Variants in POLA1 observed in about 807,000 individuals in gnomAD.
The protein encoded by POLA1 is DNA polymerase alpha 1, catalytic subunit.
Under a neutral mutation model 124.0 loss-of-function variants are expected in POLA1, and 15 were observed. The observed-to-expected ratio is 0.12, with a 90% confidence interval of 0.08 to 0.19. The LOEUF (loss-of-function observed/expected upper bound fraction) is 0.19, where lower values mean the gene tolerates loss of function less well. Ranked by LOEUF, POLA1 falls within the 10% of genes least tolerant of loss-of-function variation. The pLI is 1.00. For missense variants in POLA1, 886 were observed against 1,103.4 expected, an observed-to-expected ratio of 0.80 and a Z score of 2.79; for synonymous variants, 408 against 389.4, an observed-to-expected ratio of 1.05 and a Z score of -0.56.
intron 26 of POLA1, among the ~76,000 whole-genome samples, chrX:24,790,911 G>GTATATGTATATATATA (rs1555991306): frequency 5.1e-5 from 4 of 78,298 alleles, no homozygotes; most frequent in Admixed American, 2.8e-4. Context: ...TTATGTATAT[G>GTATATGTATATATATA]TATATATATA....
intron 22 of POLA1, 92 bp downstream of exon 22, chrX:24,742,213 G>A: frequency 1.2e-6 from 1 of 811,596 alleles, no homozygotes; most frequent in South Asian, 2.5e-5. Context: ...GATAACATCT[G>A]CTTTCAAAAT....
At position 24,699,974 on chromosome X, in the gene POLA1, A is replaced by G. The variant is rs1020759968; in HGVS notation, c.168+425A>G. On this transcript the variant is annotated intron_variant, in intron 2 of 36. Transcript: ENST00000379068. The stretch of plus-strand genomic sequence containing the variant: ...ATTTGCAAGGGTAGTGGCAGTGGAG[A>G]CTTGGACCTTAACTTCTGCCGTGTT... 8.9e-5 allele frequency among the ~76,000 whole-genome samples: 9 copies of G among 100,847 alleles called. No individual in the cohort carries two copies. In the Admixed American group the frequency reaches 9.9e-4, roughly 11 times the overall value. 87.6% of individuals were successfully genotyped at this position (100,847 alleles called of 115,157 possible).
intron 18 of POLA1, 28 bp from the exon 19 acceptor site, chrX:24,737,597 T>A: frequency 1.4e-6 from 1 of 724,723 alleles, no homozygotes; most frequent in Non-Finnish European, 2.2e-6. Context: ...TGTTATAACA[T>A]TATCAGCTGC....
intron 35 of POLA1, 86 bp downstream of exon 35, chrX:24,888,208 A>G (rs758839929): frequency 2.3e-4 from 126 of 558,757 alleles, no homozygotes; most frequent in Non-Finnish European, 3.5e-4. Context: ...TATTTGCCCT[A>G]TGAAGATGCC....
intron 3 of POLA1, 86 bp downstream of exon 3, chrX:24,703,433 A>C (rs751197468): frequency 1.5e-6 from 1 of 651,081 alleles, no homozygotes; most frequent in South Asian, 2.8e-5. Flanking sequence ...CATGTGGTGG[A>C]GTTGCTGCTT....
At chrX:24,970,483 G>A (rs1279657972) in intron 36 of POLA1, among the ~76,000 whole-genome samples, 3 of 111,719 alleles carry the variant, frequency 2.7e-5, no homozygotes, top group East Asian at 5.6e-4. Flanking sequence ...AAGAGCTTCT[G>A]CACAGCAAAA....
In POLA1 at chrX:24,739,519, A is replaced by G. The variant is rs779372671; in HGVS notation, c.2185A>G (p.Ile729Val). Residue 729 changes from isoleucine (I) to valine (V), a missense_variant, in exon 20 of 37, where the codon ATC (isoleucine) becomes GTC (valine). Physicochemically the swap from Ile to Val is conservative, Grantham distance 29 (BLOSUM62 3). Around this residue, in one of 7 missense-constraint regions of POLA1, gnomAD observed 182 missense variants for 252.8 expected, o/e 0.72. Coordinates refer to ENST00000379068, the MANE Select transcript of POLA1 (RefSeq NM_001330360.2). ...GATTCTAAAAACTGAAAGGGTTGTA[A>G]TCCCAATGGAAAATATACAAAATAT... The part of the protein sequence containing the change: ...QQILKTERVV[I>V]PMENIQNMYS... 8.4e-6 allele frequency: 10 copies of G among 1,184,426 alleles called. No homozygotes were observed. Among genetic ancestry groups the G allele is most frequent in the Non-Finnish European group, 8.0e-6 (7 of 872,976 alleles).
At chrX:24,805,374 G>A (rs1037010671) in intron 26 of POLA1, among the ~76,000 whole-genome samples, 5 of 111,942 alleles carry the variant, frequency 4.5e-5, no homozygotes, top group African/African-American at 1.6e-4. Context: ...CATTGCAAGA[G>A]AGCCTTGTGT....
intron 26 of POLA1, among the ~76,000 whole-genome samples, chrX:24,750,618 A>G (rs1932274159): frequency 8.9e-6 from 1 of 112,360 alleles, no homozygotes; most frequent in Admixed American, 9.4e-5. Flanking sequence ...GATGTGATAG[A>G]AGCTTTCCTA....
Position 24,826,561 on chromosome X carries a change from A to T in POLA1, c.3696A>T (p.Pro1232=). Residue 1232 remains proline (P), a synonymous_variant, in exon 32 of 37, where the codon CCA becomes CCT. Coordinates refer to ENST00000379068, the MANE Select transcript of POLA1 (RefSeq NM_001330360.2). ...CAGTCGTGGCTCGGATCTGTGAACC[A>T]ATAGACGGAATTGATGCTGTCCTCA... ...IHPVVARICE[P]IDGIDAVLIA... is the part of the protein sequence containing the mutation. The T allele has an allele frequency of 1.7e-6, 2 of 1,206,519 alleles. No homozygotes were observed. Among genetic ancestry groups the T allele is most frequent in the Non-Finnish European group, 2.2e-6 (2 of 892,519 alleles).
chrX:24,723,546 CATA>C (rs899640260), intron 11 of POLA1, among the ~76,000 whole-genome samples: 1 of 112,596 alleles, frequency 8.9e-6, no homozygotes, highest in African/African-American at 3.2e-5. Flanking sequence ...TCCTCATTTC[CATA>C]ATAATCAGGG....
intron 36 of POLA1, among the ~76,000 whole-genome samples, chrX:24,957,132 G>A (rs1470666510): frequency 9.0e-6 from 1 of 111,567 alleles, no homozygotes; most frequent in Non-Finnish European, 1.9e-5. Flanking sequence ...AGTGTGTTAT[G>A]GCCACCTAGT....
chrX:24,880,313 TA>T (rs2046986661), intron 34 of POLA1, among the ~76,000 whole-genome samples: 1 of 112,297 alleles, frequency 8.9e-6, no homozygotes, highest in African/African-American at 3.2e-5. Context: ...ATGTCTTACT[TA>T]AAAAATCAAT....
chrX:24,794,819 A>G (rs2045576453), intron 26 of POLA1, among the ~76,000 whole-genome samples: 2 of 110,971 alleles, frequency 1.8e-5, no homozygotes, highest in Non-Finnish European at 3.8e-5. Context: ...AAATGGCTTC[A>G]ACATCTGTTT....
chrX:24,868,388 A>G (rs1312174114), intron 34 of POLA1, among the ~76,000 whole-genome samples: 4 of 112,050 alleles, frequency 3.6e-5, no homozygotes, highest in African/African-American at 1.3e-4. Context: ...AATATTTCAT[A>G]AACTGCTCGG....
At chrX:24,793,875 G>A (rs1221612041) in intron 26 of POLA1, among the ~76,000 whole-genome samples, 1 of 110,243 alleles carries the variant, frequency 9.1e-6, no homozygotes, top group Non-Finnish European at 1.9e-5. Flanking sequence ...GTGAGCCACC[G>A]TGCCCGTCCG....
intron 36 of POLA1, among the ~76,000 whole-genome samples, chrX:24,990,490 T>C (rs932022771): frequency 1.8e-5 from 2 of 112,444 alleles, no homozygotes; most frequent in Non-Finnish European, 3.7e-5. Context: ...GGTACAATTG[T>C]CAAATCAATT....
At chrX:24,898,114 T>C (rs2047232170) in intron 35 of POLA1, among the ~76,000 whole-genome samples, 1 of 112,486 alleles carries the variant, frequency 8.9e-6, no homozygotes, top group Non-Finnish European at 1.9e-5. Context: ...TCTCTTTGGC[T>C]TTTATTGATG....
intron 36 of POLA1, among the ~76,000 whole-genome samples, chrX:24,952,316 C>G (rs1286754873): frequency 8.9e-6 from 1 of 112,099 alleles, no homozygotes; most frequent in Admixed American, 9.5e-5. Flanking sequence ...AGTGCCCTTC[C>G]CTTCTTAACT....
Sources: gnomAD v4.1 joint callset for allele counts (sites outside exome capture counted in the v4.1 genomes callset) on GRCh38, gnomAD v4.1.1 for gene constraint, gnomAD v4.1.1 regional missense constraint, MANE v1.5 for transcripts, NCBI Gene and HGNC (gene_info 2026-07-23, HGNC 2026-07-21) for gene names.